Variants in GRIN2A observed in about 807,000 individuals in gnomAD.
GRIN2A encodes the protein glutamate receptor ionotropic, NMDA 2A.
A neutral mutation model predicts 113.4 loss-of-function variants in GRIN2A; 22 were observed. The ratio of observed to expected loss-of-function variants is 0.19; its 90% CI spans 0.14 to 0.28. The LOEUF (loss-of-function observed/expected upper bound fraction) is 0.28, where lower values mean the gene tolerates loss of function less well. Ranked by LOEUF, GRIN2A falls within the 10% of genes least tolerant of loss-of-function variation. GRIN2A has a pLI of 1.00. For synonymous variants in GRIN2A, 827 were observed against 738.4 expected (o/e 1.12, Z -1.94); for missense variants, 1,502 against 1,887.0 (o/e 0.80, Z 3.78).
chr16:10,120,370 G>C (rs1164859567), intron 2 of GRIN2A, among the ~76,000 whole-genome samples: 2 of 152,146 alleles, frequency 1.3e-5, no homozygotes, highest in African/African-American at 2.4e-5. Context: ...AATGTCCATA[G>C]TGCCAAGGTT....
chr16:10,149,924 A>G (rs796537938), intron 2 of GRIN2A, among the ~76,000 whole-genome samples: 44 of 152,372 alleles, frequency 2.9e-4, no homozygotes, highest in African/African-American at 1.0e-3. Flanking sequence ...AGAATGATTC[A>G]AGAATTGTAC....
intron 2 of GRIN2A, among the ~76,000 whole-genome samples, chr16:10,118,435 C>T (rs2048770796): frequency 6.6e-6 from 1 of 152,120 alleles, no homozygotes; most frequent in Non-Finnish European, 1.5e-5. Flanking sequence ...GCTCTACAAG[C>T]ACCTGTTTTG....
At chr16:9,932,610 T>C (rs2044621456) in intron 3 of GRIN2A, among the ~76,000 whole-genome samples, 1 of 152,010 alleles carries the variant, frequency 6.6e-6, no homozygotes, top group Admixed American at 6.6e-5. Flanking sequence ...GTCGAACTCC[T>C]GACCTCAAGT....
At chr16:10,109,849 C>A (rs564804740) in intron 2 of GRIN2A, among the ~76,000 whole-genome samples, 2 of 151,788 alleles carry the variant, frequency 1.3e-5, no homozygotes, top group East Asian at 3.9e-4. Context: ...TCTCATGTAC[C>A]CCATAAATAT....
In GRIN2A at chr16:10,016,936, A is replaced by T. The variant is rs562803444; in HGVS notation, c.415-78385T>A. On this transcript the variant is annotated intron_variant, in intron 2 of 12. Coordinates refer to ENST00000330684, the MANE Select transcript of GRIN2A (RefSeq NM_001134407.3). ...CTCTGCCAAATCTTCAAATATCATC[A>T]GTCACACTGGAAAATGGCCCCAGGC... 5.9e-5 allele frequency among the ~76,000 whole-genome samples: 9 copies of T among 152,334 alleles called. No individual in the cohort carries two copies. In the East Asian group the frequency reaches 9.7e-4, roughly 16 times the overall value.
intron 2 of GRIN2A, among the ~76,000 whole-genome samples, chr16:10,004,971 A>G (rs1432762298): frequency 1.3e-5 from 2 of 152,242 alleles, no homozygotes; most frequent in African/African-American, 4.8e-5. Flanking sequence ...ATTGTTACTT[A>G]AAGTGCATTA....
chr16:9,941,274 C>T (rs573895485), intron 2 of GRIN2A, among the ~76,000 whole-genome samples: 2 of 152,300 alleles, frequency 1.3e-5, no homozygotes, highest in Admixed American at 6.5e-5. Flanking sequence ...AACACCCTTG[C>T]TCTATGTACT....
At chr16:10,064,988 G>A (rs1490387688) in intron 2 of GRIN2A, among the ~76,000 whole-genome samples, 1 of 152,096 alleles carries the variant, frequency 6.6e-6, no homozygotes, top group East Asian at 1.9e-4. Context: ...ACCGTAACGT[G>A]GAGAATCCAT....
chr16:10,067,604 C>T (rs990360902), intron 2 of GRIN2A, among the ~76,000 whole-genome samples: 2 of 152,040 alleles, frequency 1.3e-5, no homozygotes, highest in African/African-American at 4.8e-5. Context: ...TGCGTGAAGA[C>T]AGGGTGAGAA....
At chr16:9,923,945 G>T (rs2044404198) in intron 3 of GRIN2A, among the ~76,000 whole-genome samples, 1 of 151,852 alleles carries the variant, frequency 6.6e-6, no homozygotes. Flanking sequence ...TGGCCAACAT[G>T]GTGAGACCTC....
intron 4 of GRIN2A, among the ~76,000 whole-genome samples, 181 bp from the exon 5 acceptor site, chr16:9,850,142 C>T (rs1007063398): frequency 3.9e-5 from 6 of 152,200 alleles, no homozygotes; most frequent in African/African-American, 1.4e-4. Context: ...GAATATAGGG[C>T]AGTTCTCCAT....
Position 9,865,401 on chromosome 16 carries a change from A to G in GRIN2A, c.1123-15440T>C, listed in dbSNP as rs528095930. Among the ~76,000 whole-genome samples, 47 of 152,330 alleles carry G rather than the reference A, an allele frequency of 3.1e-4. 1 individual carries two copies. The South Asian group carries it at 9.5e-3, about 31-fold the overall frequency. On this transcript the variant is annotated intron_variant, in intron 4 of 12. Coordinates refer to ENST00000330684, the MANE Select transcript of GRIN2A (RefSeq NM_001134407.3). ...GGAGAAATGAGAATCATGGTGACCA[A>G]TCAGGAAGCCTCTCAGCATTGCTTT...
Position 9,807,727 on chromosome 16 carries a change from C to A in GRIN2A, c.2169-9263G>T, listed in dbSNP as rs1029195481. Among the ~76,000 whole-genome samples, 12 of 152,284 alleles carry A rather than the reference C, an allele frequency of 7.9e-5. No individual in the cohort carries two copies. The East Asian group carries it at 2.3e-3, about 29-fold the overall frequency. ...GTCTGTCACTCACCAAAGCAGTGTG[C>A]CTTCAGGACACCATTGCCGGGCTCC... is the stretch of plus-strand genomic sequence containing the variant. On this transcript the variant is annotated intron_variant, in intron 10 of 12. Coordinates refer to ENST00000330684, the MANE Select transcript of GRIN2A (RefSeq NM_001134407.3).
At chr16:9,882,008 G>A (rs2043490222) in intron 4 of GRIN2A, among the ~76,000 whole-genome samples, 1 of 152,048 alleles carries the variant, frequency 6.6e-6, no homozygotes, top group South Asian at 2.1e-4. Flanking sequence ...TCCTCTGGCT[G>A]GATGAACTTT....
chr16:9,880,716 A>T (rs2043462250), intron 4 of GRIN2A, among the ~76,000 whole-genome samples: 1 of 152,192 alleles, frequency 6.6e-6, no homozygotes, highest in South Asian at 2.1e-4. Context: ...TTGCCTCTGA[A>T]CCTGACTTTT....
intron 4 of GRIN2A, among the ~76,000 whole-genome samples, chr16:9,870,987 C>T (rs1216782698): frequency 6.6e-6 from 1 of 152,144 alleles, no homozygotes; most frequent in Non-Finnish European, 1.5e-5. Context: ...TTTCCAATGT[C>T]ATTTTGGCCT....
At chr16:9,933,594 C>G (rs1297487851) in intron 3 of GRIN2A, among the ~76,000 whole-genome samples, 1 of 152,224 alleles carries the variant, frequency 6.6e-6, no homozygotes, top group Non-Finnish European at 1.5e-5. Context: ...AATCCAGCTG[C>G]AAATGTAATT....
intron 3 of GRIN2A, among the ~76,000 whole-genome samples, chr16:9,899,440 C>CAAAAAAAAAA (rs71157791): frequency 3.2e-4 from 2 of 6,206 alleles, no homozygotes; most frequent in African/African-American, 8.3e-4. Context: ...AACTCCGTCT[C>CAAAAAAAAAA]AAAAAAAAAA....
intron 11 of GRIN2A, among the ~76,000 whole-genome samples, chr16:9,796,464 G>T (rs943801552): frequency 1.3e-5 from 2 of 152,130 alleles, no homozygotes; most frequent in East Asian, 3.9e-4. Context: ...CCACACTATT[G>T]CCATAAAACT....
Sources: allele counts gnomAD v4.1 joint callset (sites outside exome capture counted in the v4.1 genomes callset), GRCh38; gene constraint gnomAD v4.1.1; transcripts MANE v1.5; gene names NCBI Gene and HGNC (gene_info 2026-07-23, HGNC 2026-07-21).